The following SNAP47 variants were observed in gnomAD, a reference collection of about 807,000 sequenced individuals.
SNAP47 encodes synaptosome associated protein 47, also known as synaptosomal-associated protein 47.
A neutral mutation model predicts 31.4 loss-of-function variants in SNAP47; 20 were observed. The ratio of observed to expected loss-of-function variants is 0.64; its 90% CI spans 0.45 to 0.93. The LOEUF is 0.93. Ranked by LOEUF, SNAP47 falls within the 40% of genes least tolerant of loss-of-function variation. The pLI, the probability that SNAP47 is intolerant of heterozygous loss-of-function variation, is 0.00. For missense variants in SNAP47, 492 were observed against 528.5 expected (o/e 0.93, Z 0.68); for synonymous variants, 194 against 213.4 (o/e 0.91, Z 0.79).
intron 2 of SNAP47, among the ~76,000 whole-genome samples, chr1:227,750,844 C>T (rs1180377424): frequency 6.6e-6 from 1 of 152,188 alleles, no homozygotes; most frequent in Non-Finnish European, 1.5e-5. Context: ...TTTCTGTGCC[C>T]AGCCGAGTTT....
intron 2 of SNAP47, among the ~76,000 whole-genome samples, chr1:227,756,617 C>T (rs1662712212): frequency 6.6e-6 from 1 of 152,198 alleles, no homozygotes; most frequent in South Asian, 2.1e-4. Context: ...GTGGCTCTGC[C>T]CACGTGTATT....
intron 2 of SNAP47, 125 bp from the exon 3 acceptor site, chr1:227,758,870 G>A (rs1662859566): frequency 1.7e-6 from 2 of 1,197,632 alleles, no homozygotes; most frequent in South Asian, 3.3e-5. Flanking sequence ...TGGAGTGCTT[G>A]TGGAAATGAA....
Position 227,771,291 on chromosome 1 carries a change from G to A in SNAP47, c.1113+4208G>A, listed in dbSNP as rs114435912. ...GCCTTGACAGCAGTCAGATAGAAGCGCTGAGCTAAGCCGCCATGTTTGGGG... is the reference window on the plus strand; with the variant it reads ...GCCTTGACAGCAGTCAGATAGAAGCACTGAGCTAAGCCGCCATGTTTGGGG... On this transcript the variant is annotated intron_variant, in intron 4 of 4. Coordinates refer to ENST00000617596, the MANE Select transcript of SNAP47 (RefSeq NM_053052.4). 4.5e-3 allele frequency among the ~76,000 whole-genome samples: 688 copies of A among 152,286 alleles called. 5 individuals are homozygous for A. The highest frequency in any genetic ancestry group is 0.016 in the African/African-American group (644 of 41,536).
Position 227,776,944 on chromosome 1 carries a change from C to A in SNAP47, c.1114-3583C>A, listed in dbSNP as rs947613860. The A allele has an allele frequency of 3.0e-6, 3 of 985,186 alleles. No individual in the cohort carries two copies. The African/African-American group carries it at 5.2e-5, about 17-fold the overall frequency. The allele number at this position is 985,186 out of a possible 1,614,324, so 61.0% of individuals were successfully genotyped here. On this transcript the variant is annotated intron_variant, in intron 4 of 4. Coordinates refer to ENST00000617596, the MANE Select transcript of SNAP47 (RefSeq NM_053052.4). ...CCAGCCTTTATTTTGTCTGTGTACA[C>A]AATAAAATATTCCGCTTCTATAGGC...
At chr1:227,732,209 G>A, upstream of SNAP47, 1 of 669,128 alleles carries the variant, frequency 1.5e-6, no homozygotes, top group Non-Finnish European at 2.6e-6. Flanking sequence ...CCCATCTTGG[G>A]TCCCTGACCT....
chr1:227,751,747 T>G (rs1346975214), intron 2 of SNAP47, among the ~76,000 whole-genome samples: 2 of 18,914 alleles, frequency 1.1e-4, no homozygotes, highest in Non-Finnish European at 1.7e-4. Flanking sequence ...AGACTTGGTT[T>G]TTTTTTTTTT....
At chr1:227,776,608 T>C in intron 4 of SNAP47, 1 of 985,484 alleles carries the variant, frequency 1.0e-6, no homozygotes. Context: ...AGACTTCACA[T>C]TCTCCATTCT....
chr1:227,732,810 C>T (rs1185908867), upstream of SNAP47: 29 of 1,599,644 alleles, frequency 1.8e-5, no homozygotes, highest in African/African-American at 2.7e-5. Context: ...TGCGCGGTGA[C>T]CAAGGGAGTC....
At chr1:227,780,462 G>C in intron 4 of SNAP47, 65 bp from the exon 5 acceptor site, 1 of 1,600,466 alleles carries the variant, frequency 6.2e-7, no homozygotes. Context: ...GAGAGGGGGA[G>C]ATGTTGTCTG....
chr1:227,735,079 C>A, upstream of SNAP47: 1 of 1,571,212 alleles, frequency 6.4e-7, no homozygotes, highest in East Asian at 2.4e-5. Flanking sequence ...GCCGGCTGCC[C>A]CAGCCCTGCG....
upstream of SNAP47, chr1:227,732,440 C>T: frequency 6.2e-7 from 1 of 1,613,260 alleles, no homozygotes; most frequent in South Asian, 1.1e-5. Flanking sequence ...GCTGCAGCAG[C>T]TCTTTGGGCT....
chr1:227,735,516 G>A lies in SNAP47; in HGVS notation c.-46+17G>A. 1 of 1,385,976 alleles carries A rather than the reference G, an allele frequency of 7.2e-7. No homozygotes were observed. Among genetic ancestry groups the A allele is most frequent in the Non-Finnish European group, 9.3e-7 (1 of 1,078,192 alleles). The allele number at this position is 1,385,976 out of a possible 1,614,324, so 85.9% of individuals were successfully genotyped here. A position where few individuals can be genotyped will look rare whatever the true frequency, so the allele number is the denominator to read the frequency against. ...GTCCCTCAGGTGAGCGACGGTGTTG[G>A]TCTGTTGGGCGCCCGGCCCAAGCCA... On this transcript the variant is annotated intron_variant, in intron 1 of 4. Coordinates refer to ENST00000617596, the MANE Select transcript of SNAP47 (RefSeq NM_053052.4).
At chr1:227,732,648 T>C (rs776797869), upstream of SNAP47, 13 of 1,613,270 alleles carry the variant, frequency 8.1e-6, no homozygotes, top group South Asian at 1.1e-5. Flanking sequence ...CTCTTCAAAG[T>C]TGATGCCCGA....
At chr1:227,756,423 C>T (rs1019912374) in intron 2 of SNAP47, among the ~76,000 whole-genome samples, 1 of 152,198 alleles carries the variant, frequency 6.6e-6, no homozygotes, top group African/African-American at 2.4e-5. Flanking sequence ...TTGTCAATAT[C>T]AGTTTCCTTT....
chr1:227,732,756 C>G (rs545109647), upstream of SNAP47: 6 of 1,591,374 alleles, frequency 3.8e-6, no homozygotes, highest in African/African-American at 6.7e-5. Flanking sequence ...CGCCCAGTCC[C>G]CAAGGACGAA....
chr1:227,737,104 T>A (rs1201945249), intron 1 of SNAP47, among the ~76,000 whole-genome samples: 1 of 152,176 alleles, frequency 6.6e-6, no homozygotes, highest in Non-Finnish European at 1.5e-5. Context: ...GGGATCAGGG[T>A]ACTCTGTGAT....
At position 227,773,127 on chromosome 1, in the gene SNAP47, ATTTTTTTT is replaced by A. The variant is rs34140624; in HGVS notation, c.1113+6061_1113+6068del. Among the ~76,000 whole-genome samples the A allele has an allele frequency of 9.0e-4, 92 of 102,380 alleles. 1 individual carries two copies. Among genetic ancestry groups the A allele is most frequent in the African/African-American group, 3.7e-3 (90 of 24,310 alleles). The allele number at this position is 102,380 out of a possible 152,430, so 67.2% of individuals were successfully genotyped here. ...AGGTGTGCACCACCACGTCCAGCTAATTTTTTTTTTTTTTTTTTTTTTTTGTAGACATG... is the reference window on the plus strand; with the variant it reads ...AGGTGTGCACCACCACGTCCAGCTAATTTTTTTTTTTTTTTTGTAGACATG... On this transcript the variant is annotated intron_variant, in intron 4 of 4. Transcript: ENST00000617596.
At chr1:227,728,792 A>G (rs1660462713) in intron 1 of SNAP47, 1 of 151,628 alleles carries the variant, frequency 6.6e-6, no homozygotes, top group South Asian at 2.1e-4. Context: ...TGAAGGTAAT[A>G]CCCAAGACCC....
At chr1:227,740,758 G>A (rs1661533848) in intron 1 of SNAP47, among the ~76,000 whole-genome samples, 1 of 152,182 alleles carries the variant, frequency 6.6e-6, no homozygotes, top group Non-Finnish European at 1.5e-5. Context: ...TTCTTGAGGG[G>A]GAGGAAGAGA....
Sources: allele counts gnomAD v4.1 joint callset (sites outside exome capture counted in the v4.1 genomes callset), GRCh38; gene constraint gnomAD v4.1.1; transcripts MANE v1.5; gene names NCBI Gene and HGNC (gene_info 2026-07-23, HGNC 2026-07-21).